Variants in DYM observed in about 807,000 individuals in gnomAD.
The protein encoded by DYM is dymeclin.
In DYM, 78 loss-of-function variants were observed where a neutral mutation model predicts 93.1. The observed-to-expected ratio is 0.84, with a 90% CI of 0.70 to 1.01. The LOEUF (loss-of-function observed/expected upper bound fraction) is 1.01, where lower values mean the gene tolerates loss of function less well. DYM is among the 50% of genes least tolerant of loss of function. The pLI is 0.00. For synonymous variants in DYM, 321 were observed against 319.7 expected, an observed-to-expected ratio of 1.00 and a Z score of -0.04; for missense variants, 789 against 845.0, an observed-to-expected ratio of 0.93 and a Z score of 0.82.
At chr18:49,267,200 TA>T (rs35559696) in intron 11 of DYM, among the ~76,000 whole-genome samples, 55,880 of 149,082 alleles carry the variant, frequency 0.37, 12,176 homozygotes, top group Middle Eastern at 0.58. Flanking sequence ...GGTAACTTTT[TA>T]AAAAAAAAAA....
At chr18:49,342,586 T>C (rs775538316) in intron 6 of DYM, among the ~76,000 whole-genome samples, 2 of 152,218 alleles carry the variant, frequency 1.3e-5, no homozygotes, top group Non-Finnish European at 2.9e-5. Flanking sequence ...CTCATTGTTA[T>C]ACTATCTGCC....
rs536214494 is a variant in DYM at position 49,383,791 on chromosome 18, G to A, written c.194-4033C>T. On this transcript the variant is annotated intron_variant, in intron 3 of 17. Transcript: ENST00000675505. ...TTTGCAGTCACAGCCCAAGCTTATA[G>A]GATAATGCCTGTAATATAGTAGGTG... Among the ~76,000 whole-genome samples the A allele has an allele frequency of 3.3e-5, 5 of 152,296 alleles. No individual in the cohort carries two copies. The South Asian group carries it at 1.0e-3, about 32-fold the overall frequency.
intron 14 of DYM, among the ~76,000 whole-genome samples, chr18:49,164,511 G>T (rs1244486995): frequency 1.3e-5 from 2 of 152,228 alleles, no homozygotes; most frequent in Non-Finnish European, 2.9e-5. Flanking sequence ...ACACAGCAGT[G>T]TTGTGCTGAG....
intron 8 of DYM, among the ~76,000 whole-genome samples, chr18:49,292,296 A>G (rs958793779): frequency 5.3e-5 from 5 of 95,028 alleles, no homozygotes; most frequent in Admixed American, 2.7e-4. Context: ...ATCCACCAAC[A>G]CAGACAGACA....
At position 49,038,972 on chromosome 18, in the gene DYM, G is replaced by GT; in HGVS notation, c.*5082dup. 6.6e-6 allele frequency among the ~76,000 whole-genome samples: 1 copy of GT among 151,970 alleles called. No homozygotes were observed. ...TAAAACTCCATAAGACATAATTATT[G>GT]TTTTATGTAGTCAATATTTATGTGT... On this transcript the variant is annotated 3_prime_UTR_variant, in exon 18 of 18. Coordinates refer to ENST00000675505, the MANE Select transcript of DYM (RefSeq NM_001353214.3).
At chr18:49,208,885 T>C (rs958480571) in intron 14 of DYM, 2 of 152,158 alleles carry the variant, frequency 1.3e-5, no homozygotes, top group African/African-American at 4.8e-5. Context: ...CCCTCTATTT[T>C]GGTGCACGAT....
rs777385227 is a variant in DYM, at chr18:49,044,040, G to A, written c.*15C>T. The stretch of plus-strand genomic sequence containing the variant: ...TGCTTGGCTGGAGGGGTCCGGGTGG[G>A]AGAGCATCCTGCCCTCAGTCGGAAT... On this transcript the variant is annotated 3_prime_UTR_variant, in exon 18 of 18. Transcript: ENST00000675505. 1 of 1,612,662 alleles carries A rather than the reference G, an allele frequency of 6.2e-7. No individual in the cohort carries two copies. The highest frequency in any genetic ancestry group is 1.7e-5 in the Admixed American group (1 of 60,010).
intron 13 of DYM, among the ~76,000 whole-genome samples, chr18:49,215,592 A>C (rs1325593502): frequency 1.3e-5 from 2 of 152,238 alleles, no homozygotes; most frequent in African/African-American, 4.8e-5. Context: ...AGATTATTCT[A>C]GATGTGTCAT....
intron 2 of DYM, chr18:49,418,147 AAATG>A (rs2148298039): frequency 6.6e-6 from 1 of 152,234 alleles, no homozygotes; most frequent in Admixed American, 6.5e-5. Context: ...AGAAACAAAT[AAATG>A]AATAACAGTT....
At chr18:49,263,580 A>C (rs2094523224) in intron 11 of DYM, among the ~76,000 whole-genome samples, 1 of 151,822 alleles carries the variant, frequency 6.6e-6, no homozygotes, top group Non-Finnish European at 1.5e-5. Context: ...AATAAAAAAA[A>C]CTAACCAGGC....
chr18:49,211,773 A>G (rs922055286), intron 13 of DYM, among the ~76,000 whole-genome samples: 4 of 152,168 alleles, frequency 2.6e-5, no homozygotes, highest in Non-Finnish European at 4.4e-5. Context: ...ACAAAACAAA[A>G]TTCCTCTGAA....
intron 15 of DYM, among the ~76,000 whole-genome samples, chr18:49,151,573 CATAAT>C (rs2085821044): frequency 6.6e-6 from 1 of 152,176 alleles, no homozygotes; most frequent in Non-Finnish European, 1.5e-5. Flanking sequence ...TAATAACCCT[CATAAT>C]AGCCGAATTA....
chr18:49,445,225 G>T (rs2081996503), intron 1 of DYM, among the ~76,000 whole-genome samples: 1 of 152,068 alleles, frequency 6.6e-6, no homozygotes, highest in Non-Finnish European at 1.5e-5. Context: ...AAATATTTAT[G>T]ATTTGGTCCT....
At chr18:49,125,590 A>G (rs2082739134) in intron 15 of DYM, among the ~76,000 whole-genome samples, 1 of 152,248 alleles carries the variant, frequency 6.6e-6, no homozygotes, top group South Asian at 2.1e-4. Context: ...ACTTTATTCA[A>G]TTCAGCAATT....
intron 14 of DYM, among the ~76,000 whole-genome samples, chr18:49,188,808 G>A (rs2090696651): frequency 6.6e-6 from 1 of 152,110 alleles, no homozygotes. Context: ...CCTGCACATT[G>A]TGCACATGTA....
chr18:49,198,094 G>C (rs1386981243), intron 14 of DYM, among the ~76,000 whole-genome samples: 6 of 152,132 alleles, frequency 3.9e-5, no homozygotes, highest in African/African-American at 9.7e-5. Context: ...ACAACCATCT[G>C]ATCTTTGACA....
chr18:49,331,767 A>G, intron 8 of DYM, 97 bp downstream of exon 8: 5 of 1,298,590 alleles, frequency 3.9e-6, no homozygotes, highest in Non-Finnish European at 5.5e-6. Context: ...ATTCAATGTA[A>G]CTATTAATGG....
chr18:49,402,900 T>C (rs578193558), intron 2 of DYM, among the ~76,000 whole-genome samples: 1 of 152,190 alleles, frequency 6.6e-6, no homozygotes. Context: ...AAGTTCCAAC[T>C]TCTTCATTAA....
intron 8 of DYM, among the ~76,000 whole-genome samples, chr18:49,314,275 A>G (rs920459028): frequency 1.3e-5 from 2 of 152,190 alleles, no homozygotes; most frequent in Non-Finnish European, 2.9e-5. Flanking sequence ...TTTTCACTCA[A>G]CATTGTGCTG....
Sources: gnomAD v4.1 joint callset for allele counts (sites outside exome capture counted in the v4.1 genomes callset) on GRCh38, gnomAD v4.1.1 for gene constraint, MANE v1.5 for transcripts, NCBI Gene and HGNC (gene_info 2026-07-23, HGNC 2026-07-21) for gene names.